Variants in EGFLAM observed in about 807,000 individuals in gnomAD.
EGFLAM encodes the protein pikachurin.
Under a neutral mutation model 113.1 loss-of-function variants are expected in EGFLAM, and 79 were observed. That is an observed-to-expected ratio of 0.70 (90% CI 0.58 to 0.84). The LOEUF (loss-of-function observed/expected upper bound fraction) is 0.84. Ranked by LOEUF, EGFLAM falls within the 40% of genes least tolerant of loss-of-function variation. The pLI, the probability that EGFLAM is intolerant of heterozygous loss-of-function variation, is 0.00. For missense variants in EGFLAM, 1,265 were observed against 1,291.6 expected (o/e 0.98, Z 0.32); for synonymous variants, 504 against 487.6 (o/e 1.03, Z -0.44).
At chr5:38,396,018 C>T (rs1244163008) in intron 6 of EGFLAM, among the ~76,000 whole-genome samples, 1 of 104,826 alleles carries the variant, frequency 9.5e-6, no homozygotes, top group Admixed American at 7.9e-5. Context: ...CCCTGCTTTC[C>T]TTCAAGCTAG....
chr5:38,390,506 A>G (rs1272452229), intron 6 of EGFLAM, among the ~76,000 whole-genome samples: 1 of 152,180 alleles, frequency 6.6e-6, no homozygotes, highest in African/African-American at 2.4e-5. Flanking sequence ...TTTCTTCAGC[A>G]TGTGCTTTGA....
intron 14 of EGFLAM, among the ~76,000 whole-genome samples, chr5:38,429,265 G>A (rs3110990): frequency 0.049 from 7,439 of 152,252 alleles, 584 homozygotes; most frequent in African/African-American, 0.17. Flanking sequence ...AACATGAAAT[G>A]GCTCTGTTAT....
At chr5:38,283,582 G>T (rs143645884) in intron 1 of EGFLAM, among the ~76,000 whole-genome samples, 1 of 152,134 alleles carries the variant, frequency 6.6e-6, no homozygotes, top group Admixed American at 6.5e-5. Flanking sequence ...GGGGCTAACT[G>T]TCCAACCCTG....
At chr5:38,332,024 C>T (rs564243665) in intron 1 of EGFLAM, among the ~76,000 whole-genome samples, 27 of 152,218 alleles carry the variant, frequency 1.8e-4, no homozygotes, top group Admixed American at 6.5e-4. Flanking sequence ...AGGGGCTGTA[C>T]CATTTTGCAT....
intron 19 of EGFLAM, among the ~76,000 whole-genome samples, chr5:38,456,229 A>T (rs1315428136): frequency 6.6e-6 from 1 of 152,094 alleles, no homozygotes; most frequent in Admixed American, 6.5e-5. Context: ...CAGGGAAGGG[A>T]TTATTATCCC....
At chr5:38,319,321 G>T (rs112834408) in intron 1 of EGFLAM, among the ~76,000 whole-genome samples, 3,494 of 152,310 alleles carry the variant, frequency 0.023, 60 homozygotes, top group Non-Finnish European at 0.033. Context: ...TTTGTACCTA[G>T]AAGAGAAAAT....
chr5:38,369,413 A>G (rs1293680487), intron 5 of EGFLAM, among the ~76,000 whole-genome samples: 1 of 152,202 alleles, frequency 6.6e-6, no homozygotes, highest in Non-Finnish European at 1.5e-5. Flanking sequence ...TAGTGGTACC[A>G]TATTGGATCA....
At chr5:38,362,743 T>C (rs958551825) in intron 5 of EGFLAM, among the ~76,000 whole-genome samples, 1 of 152,164 alleles carries the variant, frequency 6.6e-6, no homozygotes, top group Non-Finnish European at 1.5e-5. Context: ...CACCTGGTCC[T>C]AGAAATTCCA....
intron 5 of EGFLAM, among the ~76,000 whole-genome samples, chr5:38,365,860 A>G (rs1740045784): frequency 6.6e-6 from 1 of 152,168 alleles, no homozygotes; most frequent in East Asian, 1.9e-4. Flanking sequence ...CACCCTGATC[A>G]GGAAGTCACT....
chr5:38,383,793 C>T (rs1740582860), intron 6 of EGFLAM, among the ~76,000 whole-genome samples: 3 of 151,912 alleles, frequency 2.0e-5, no homozygotes, highest in Non-Finnish European at 4.4e-5. Context: ...GGGAAGGCTT[C>T]TCTCAAAGAG....
intron 5 of EGFLAM, among the ~76,000 whole-genome samples, chr5:38,361,701 G>T (rs1337726772): frequency 6.6e-6 from 1 of 152,152 alleles, no homozygotes; most frequent in Non-Finnish European, 1.5e-5. Context: ...GTCCTAGGCC[G>T]CATGTGGCCC....
chr5:38,423,692 G>A (rs906530378), intron 12 of EGFLAM, among the ~76,000 whole-genome samples: 21 of 152,172 alleles, frequency 1.4e-4, no homozygotes, highest in African/African-American at 4.3e-4. Context: ...TGTGGCTGGA[G>A]ACCACTGGTC....
intron 1 of EGFLAM, among the ~76,000 whole-genome samples, chr5:38,316,506 T>C (rs1007427049): frequency 6.6e-6 from 1 of 152,212 alleles, no homozygotes; most frequent in Non-Finnish European, 1.5e-5. Flanking sequence ...AGTAGAGTTG[T>C]TGTGAGGATT....
At chr5:38,422,089 G>A (rs1026785260) in intron 12 of EGFLAM, among the ~76,000 whole-genome samples, 18 of 152,032 alleles carry the variant, frequency 1.2e-4, no homozygotes, top group Non-Finnish European at 2.5e-4. Flanking sequence ...CTAGGGGTTG[G>A]GGACAGGGAA....
intron 5 of EGFLAM, among the ~76,000 whole-genome samples, chr5:38,361,537 T>C (rs754242245): frequency 1.3e-5 from 2 of 152,158 alleles, no homozygotes; most frequent in Non-Finnish European, 2.9e-5. Flanking sequence ...GGGTGTCCAA[T>C]TTTTTGGCTT....
Position 38,407,785 on chromosome 5 carries a change from T to A in EGFLAM, c.1148-20T>A. On this transcript the variant is annotated intron_variant, in intron 8 of 21. Transcript: ENST00000322350. ...AGTGAGGAAATAGCATTCTTTTGTG[T>A]TGTCTTTTTTCTTCTTCAGATATTG... is the stretch of plus-strand genomic sequence containing the variant. The A allele has an allele frequency of 6.4e-7, 1 of 1,569,620 alleles. No homozygotes were observed. The highest frequency in any genetic ancestry group is 8.7e-7 in the Non-Finnish European group (1 of 1,143,362).
chr5:38,407,994 G>A, intron 9 of EGFLAM, 89 bp downstream of exon 9: 2 of 1,028,082 alleles, frequency 1.9e-6, no homozygotes, highest in South Asian at 2.8e-5. Context: ...GAGGAAGCGG[G>A]GCAGCAGGGA....
intron 1 of EGFLAM, among the ~76,000 whole-genome samples, chr5:38,282,829 A>G (rs1561262035): frequency 6.6e-6 from 1 of 151,986 alleles, no homozygotes; most frequent in Non-Finnish European, 1.5e-5. Flanking sequence ...ACCTGCATTG[A>G]GTTTTTTGTT....
Position 38,406,886 on chromosome 5 carries a change from A to T in EGFLAM, c.887A>T (p.Lys296Met). 6.2e-6 allele frequency: 10 copies of T among 1,614,206 alleles called. No individual in the cohort carries two copies. The highest frequency in any genetic ancestry group is 8.5e-6 in the Non-Finnish European group (10 of 1,180,032). ...GNKKFLVESK[K>M]MSISNPKTIS... ...AAGAAATTTTTGGTGGAAAGCAAGA[A>T]GATGTCTATATCTAACCCAAAGACC... The change falls in exon 8 of 22, where the codon AAG becomes ATG. Residue 296 changes from lysine (K) to methionine (M), a missense_variant. Physicochemically the swap from Lys to Met is moderately conservative, Grantham distance 95. Coordinates refer to ENST00000322350, the MANE Select transcript of EGFLAM (RefSeq NM_152403.4).
Sources: gnomAD v4.1 joint callset for allele counts (sites outside exome capture counted in the v4.1 genomes callset) on GRCh38, gnomAD v4.1.1 for gene constraint, MANE v1.5 for transcripts, NCBI Gene and HGNC (gene_info 2026-07-23, HGNC 2026-07-21) for gene names.